PCDHA4: variants seen among roughly 807,000 people sequenced by gnomAD.
PCDHA4 encodes protocadherin alpha-4.
PCDHA4 carries 49 observed loss-of-function variants against 61.4 expected under a neutral mutation model. That is an observed-to-expected ratio of 0.80 (90% CI 0.63 to 1.01). The LOEUF (loss-of-function observed/expected upper bound fraction) is 1.01. Ranked by LOEUF, PCDHA4 falls within the 50% of genes least tolerant of loss-of-function variation. The pLI, the probability that PCDHA4 is intolerant of heterozygous loss-of-function variation, is 0.00. For synonymous variants in PCDHA4, 590 were observed against 550.3 expected (o/e 1.07, Z -1.01); for missense variants, 1,254 against 1,235.8 (o/e 1.01, Z -0.22).
intron 1 of PCDHA4, among the ~76,000 whole-genome samples, chr5:140,954,268 A>C (rs1381458746): frequency 2.0e-5 from 3 of 152,224 alleles, no homozygotes; most frequent in African/African-American, 7.2e-5. Flanking sequence ...TCTTTATAAT[A>C]GGATGATTTA....
intron 1 of PCDHA4, among the ~76,000 whole-genome samples, chr5:140,900,125 G>A (rs2067765908): frequency 6.6e-6 from 1 of 152,056 alleles, no homozygotes; most frequent in South Asian, 2.1e-4. Context: ...TTGATTTTTA[G>A]GTACCACAAA....
Position 140,850,212 on chromosome 5 carries a change from A to C in PCDHA4, c.2385+40640A>C, listed in dbSNP as rs1411639882. 10 of 1,593,368 alleles carry C rather than the reference A, an allele frequency of 6.3e-6. No individual in the cohort carries two copies. Among genetic ancestry groups the C allele is most frequent in the Non-Finnish European group, 8.6e-6 (10 of 1,167,568 alleles). ...GCTGCTGACACCTCGGATGAGGGGC[A>C]CTGACGGCGCAGTGAGCGAGATGGT... On this transcript the variant is annotated intron_variant, in intron 1 of 3. Transcript: ENST00000530339.
At position 140,925,289 on chromosome 5, in the gene PCDHA4, G is replaced by T. The variant is rs190990360; in HGVS notation, c.2386-53660G>T. Among the ~76,000 whole-genome samples, 1,224 of 152,222 alleles carry T rather than the reference G, an allele frequency of 8.0e-3. 6 individuals carry two copies. The highest frequency in any genetic ancestry group is 0.019 in the African/African-American group (790 of 41,540). On this transcript the variant is annotated intron_variant, in intron 1 of 3. Coordinates refer to ENST00000530339, the MANE Select transcript of PCDHA4 (RefSeq NM_018907.4). The stretch of plus-strand genomic sequence containing the variant: ...TGTGTTCAGATTTTGCCTTTCAAAT[G>T]TTTCATTATTGGGGCTTTGGACATA...
At chr5:140,913,959 T>TA (rs1562996315) in intron 1 of PCDHA4, among the ~76,000 whole-genome samples, 4 of 152,166 alleles carry the variant, frequency 2.6e-5, no homozygotes, top group African/African-American at 7.2e-5. Context: ...GATATCATTT[T>TA]TAAAAAAATA....
At chr5:140,849,808 C>T (rs2150450895) in intron 1 of PCDHA4, 6 of 1,598,320 alleles carry the variant, frequency 3.8e-6, no homozygotes, top group South Asian at 1.1e-5. Flanking sequence ...CTGTGGGCCA[C>T]GGCCAGGGTG....
intron 1 of PCDHA4, chr5:140,876,798 C>T: frequency 6.2e-7 from 1 of 1,614,180 alleles, no homozygotes; most frequent in Non-Finnish European, 8.5e-7. Context: ...CTAGAGTGTC[C>T]GTGGAGGTGG....
At chr5:140,950,882 G>C (rs1182849126) in intron 1 of PCDHA4, among the ~76,000 whole-genome samples, 1 of 151,764 alleles carries the variant, frequency 6.6e-6, no homozygotes, top group Non-Finnish European at 1.5e-5. Flanking sequence ...TTGTTCAATA[G>C]GTCTCTGAGA....
chr5:140,823,261 C>A, intron 1 of PCDHA4: 4 of 1,613,028 alleles, frequency 2.5e-6, no homozygotes, highest in Non-Finnish European at 3.4e-6. Context: ...GCTGGTGGAG[C>A]GGCGGGTGGG....
intron 1 of PCDHA4, chr5:140,848,620 G>T (rs2150415241): frequency 6.3e-7 from 1 of 1,593,518 alleles, no homozygotes; most frequent in Non-Finnish European, 8.6e-7. Context: ...GCCGAACACG[G>T]CACCTTCGTG....
chr5:140,858,839 C>G (rs1306924023), intron 1 of PCDHA4: 1 of 317,040 alleles, frequency 3.2e-6, no homozygotes, highest in Non-Finnish European at 5.9e-6. Context: ...CCAAAAAATT[C>G]CACTGATCTA....
At chr5:140,978,740 A>G (rs2096821027) in intron 1 of PCDHA4, among the ~76,000 whole-genome samples, 1 of 152,254 alleles carries the variant, frequency 6.6e-6, no homozygotes, top group Non-Finnish European at 1.5e-5. Flanking sequence ...CTTCCAGGGT[A>G]TCTAATCTGT....
chr5:140,967,003 C>T, intron 1 of PCDHA4: 1 of 1,605,342 alleles, frequency 6.2e-7, no homozygotes, highest in South Asian at 1.1e-5. Context: ...GCTTGCGCAT[C>T]AACCATCTGG....
rs1459343581 is a variant in PCDHA4 at position 141,012,230 on chromosome 5, A to G, written c.*2293A>G. 1.3e-5 allele frequency: 2 copies of G among 153,766 alleles called. No individual in the cohort carries two copies. The highest frequency in any genetic ancestry group is 6.5e-5 in the Admixed American group (1 of 15,278). 9.5% of individuals were successfully genotyped at this position (153,766 alleles called of 1,614,324 possible). On this transcript the variant is annotated 3_prime_UTR_variant, in exon 4 of 4. Transcript: ENST00000530339. ...ACATTTGCGAAGTGCTTTCCAATCC[A>G]TGTTAGTTACTAGTTATTACAGCTG...
Position 140,883,556 on chromosome 5 carries a change from G to C in PCDHA4, c.2385+73984G>C, listed in dbSNP as rs144498761. ...TGAACTGGTGGTGACCGCGCGGGAC[G>C]GGGGCTCGCCTTCGCTGTGGGCCAC... On this transcript the variant is annotated intron_variant, in intron 1 of 3. Transcript: ENST00000530339. The C allele has an allele frequency of 2.1e-4, 339 of 1,614,184 alleles. 1 individual carries two copies. In the Middle Eastern group the frequency reaches 8.9e-3, roughly 42 times the overall value.
intron 1 of PCDHA4, chr5:140,824,156 T>G (rs200693729): frequency 1.7e-5 from 27 of 1,611,492 alleles, no homozygotes; most frequent in Non-Finnish European, 2.2e-5. Context: ...ACATCCATCT[T>G]TCCCTCCCAA....
Position 141,009,950 on chromosome 5 carries a change from G to C in PCDHA4, c.*13G>C, listed in dbSNP as rs782235440. On this transcript the variant is annotated 3_prime_UTR_variant, in exon 4 of 4. Coordinates refer to ENST00000530339, the MANE Select transcript of PCDHA4 (RefSeq NM_018907.4). ...CAGTGACCAGTGAGGTCCTCAAATGGAAACAAGCCACTTAGCCAGTTTTTG... is the reference window on the plus strand; with the variant it reads ...CAGTGACCAGTGAGGTCCTCAAATGCAAACAAGCCACTTAGCCAGTTTTTG... 12 of 1,593,098 alleles carry C rather than the reference G, an allele frequency of 7.5e-6. No individual in the cohort carries two copies. In the East Asian group the frequency reaches 2.5e-4, roughly 33 times the overall value.
chr5:140,975,503 CT>C (rs1189456467), intron 1 of PCDHA4, among the ~76,000 whole-genome samples: 3 of 152,178 alleles, frequency 2.0e-5, no homozygotes, highest in Non-Finnish European at 4.4e-5. Flanking sequence ...TAAAATAGCA[CT>C]ATGCAAAATC....
chr5:140,925,409 G>T (rs2082484194), intron 1 of PCDHA4, among the ~76,000 whole-genome samples: 1 of 152,078 alleles, frequency 6.6e-6, no homozygotes, highest in Admixed American at 6.5e-5. Flanking sequence ...CCTTCTTAGG[G>T]AAAGGAACTG....
At chr5:140,858,465 T>G in intron 1 of PCDHA4, 1 of 1,522,706 alleles carries the variant, frequency 6.6e-7, no homozygotes, top group African/African-American at 1.4e-5. Flanking sequence ...ATTTTCCTTT[T>G]GTGCTTTATG....
Sources: allele counts gnomAD v4.1 joint callset (sites outside exome capture counted in the v4.1 genomes callset), GRCh38; gene constraint gnomAD v4.1.1; transcripts MANE v1.5; gene names NCBI Gene and HGNC (gene_info 2026-07-23, HGNC 2026-07-21).